The following TPM4 variants were observed in gnomAD, a reference collection of about 807,000 sequenced individuals.
The protein encoded by TPM4 is tropomyosin 4, also known as tropomyosin alpha-4 chain.
A neutral mutation model predicts 35.8 loss-of-function variants in TPM4; 17 were observed. That is an observed-to-expected ratio of 0.47 (90% CI 0.32 to 0.71). TPM4 has a LOEUF of 0.71. Among genes scored for constraint, TPM4 ranks in the 30% least tolerant of loss-of-function variants. The pLI is 0.03. For missense variants in TPM4, 240 were observed against 320.9 expected (o/e 0.75, Z 1.93); for synonymous variants, 120 against 122.9 (o/e 0.98, Z 0.15).
rs145181479 is a variant in TPM4, at chr19:16,098,618, G to A, written c.665-2646G>A. ...TGCTAAAGCATCTGAGTGACAAGAT[G>A]AAGCGAAGTCAGGATTTGTAGTCAA... On this transcript the variant is annotated intron_variant, in intron 7 of 7. Coordinates refer to ENST00000643579, the MANE Select transcript of TPM4 (RefSeq NM_003290.3). Among the ~76,000 whole-genome samples the A allele has an allele frequency of 9.5e-4, 145 of 152,104 alleles. 2 individuals carry two copies. Among genetic ancestry groups the A allele is most frequent in the African/African-American group, 3.3e-3 (139 of 41,510 alleles).
chr19:16,079,705 A>ATTT, intron 1 of TPM4: 1 of 173,108 alleles, frequency 5.8e-6, no homozygotes, highest in Non-Finnish European at 1.2e-5. Flanking sequence ...TTTCCTAATA[A>ATTT]TTTTTTTTTT....
chr19:16,087,893 A>T (rs1049995499), intron 3 of TPM4, 134 bp from the exon 4 acceptor site: 11 of 924,480 alleles, frequency 1.2e-5, no homozygotes, highest in Non-Finnish European at 1.8e-5. Context: ...TGCAAAAAAA[A>T]GAAACACCAG....
upstream of TPM4, chr19:16,076,347 G>A (rs2090404854): frequency 4.8e-6 from 7 of 1,468,326 alleles, no homozygotes; most frequent in Non-Finnish European, 6.3e-6. Context: ...GTGGCCAGCG[G>A]TGCCGACGTC....
At chr19:16,082,072 A>G in intron 2 of TPM4, 26 bp downstream of exon 2, 1 of 1,585,030 alleles carries the variant, frequency 6.3e-7, no homozygotes, top group Admixed American at 1.7e-5. Flanking sequence ...ATCTGGTGGC[A>G]TCCGTGTTTG....
chr19:16,076,041 C>T (rs756312561), upstream of TPM4: 5 of 1,587,330 alleles, frequency 3.1e-6, no homozygotes, highest in Non-Finnish European at 4.3e-6. Context: ...GCTCTGTCGT[C>T]CCCAGGTGGA....
chr19:16,089,347 G>T lies in TPM4; in HGVS notation c.531+227G>T, dbSNP rs1344410307. Among the ~76,000 whole-genome samples, 6 of 152,228 alleles carry T rather than the reference G, an allele frequency of 3.9e-5. No homozygotes were observed. The East Asian group carries it at 9.6e-4, about 24-fold the overall frequency. On this transcript the variant is annotated intron_variant, in intron 5 of 7. Coordinates refer to ENST00000643579, the MANE Select transcript of TPM4 (RefSeq NM_003290.3). ...GCACCATCTTTGATCTCCATCTCAG[G>T]AGGATAGAGATAGAACATGAGGCTC...
upstream of TPM4, among the ~76,000 whole-genome samples, chr19:16,072,359 T>C (rs2090363751): frequency 6.6e-6 from 1 of 152,156 alleles, no homozygotes; most frequent in Non-Finnish European, 1.5e-5. Context: ...TGGCGAAAGC[T>C]CTGCTCAGGG....
At chr19:16,096,936 CTTTTTTTTTTTTTTTTTTT>C (rs71178641) in intron 7 of TPM4, among the ~76,000 whole-genome samples, 34 of 69,056 alleles carry the variant, frequency 4.9e-4, no homozygotes, top group African/African-American at 7.2e-4. Flanking sequence ...CAAGGTCACT[CTTTTTTTTTTTTTTTTTTT>C]TTTTTTTTTT....
intron 3 of TPM4, among the ~76,000 whole-genome samples, chr19:16,086,892 G>A (rs1237771521): frequency 1.3e-5 from 2 of 151,998 alleles, no homozygotes; most frequent in Admixed American, 1.3e-4. Context: ...TCGATGGCTC[G>A]GCTCTTCCCT....
At chr19:16,097,077 C>T (rs2090709879) in intron 7 of TPM4, among the ~76,000 whole-genome samples, 1 of 149,116 alleles carries the variant, frequency 6.7e-6, no homozygotes, top group South Asian at 2.1e-4. Flanking sequence ...CCTCAGCCTC[C>T]CGAGTAGCTG....
At chr19:16,093,191 T>G (rs2090649884) in intron 5 of TPM4, 1 of 193,318 alleles carries the variant, frequency 5.2e-6, no homozygotes. Flanking sequence ...TTTGTTTTTG[T>G]TGTTGTTGTT....
intron 7 of TPM4, chr19:16,100,208 GCTTA>G (rs1217445597): frequency 2.0e-5 from 3 of 152,142 alleles, no homozygotes; most frequent in Non-Finnish European, 4.4e-5. Flanking sequence ...AAGGTTAGAT[GCTTA>G]CTTAAGTGAT....
At chr19:16,073,481 G>C (rs1327728904), upstream of TPM4, among the ~76,000 whole-genome samples, 1 of 152,204 alleles carries the variant, frequency 6.6e-6, no homozygotes, top group Non-Finnish European at 1.5e-5. Context: ...CTGTTCTGCA[G>C]ATGGAGAATC....
intron 5 of TPM4, among the ~76,000 whole-genome samples, chr19:16,091,982 C>T (rs1851263258): frequency 6.6e-6 from 1 of 150,932 alleles, no homozygotes; most frequent in Admixed American, 6.6e-5. Flanking sequence ...CCTGGCTGGC[C>T]ATCGTAGCGA....
chr19:16,089,015 A>G (rs1184044316), intron 4 of TPM4, 30 bp from the exon 5 acceptor site: 2 of 1,613,810 alleles, frequency 1.2e-6, no homozygotes, highest in African/African-American at 1.3e-5. Context: ...AAGGGAAGAT[A>G]AGACACAAAA....
chr19:16,071,665 G>C (rs2090357811), upstream of TPM4, among the ~76,000 whole-genome samples: 1 of 152,226 alleles, frequency 6.6e-6, no homozygotes, highest in African/African-American at 2.4e-5. Flanking sequence ...AGTCCTGCTG[G>C]GGAATAGAGG....
upstream of TPM4, among the ~76,000 whole-genome samples, chr19:16,071,685 C>T (rs764432098): frequency 5.9e-5 from 9 of 152,212 alleles, no homozygotes; most frequent in East Asian, 1.9e-4. Context: ...GCACTTAGAG[C>T]GCCTGACGCT....
intron 2 of TPM4, among the ~76,000 whole-genome samples, chr19:16,069,406 T>A: frequency 1.5e-3 from 1 of 650 alleles, no homozygotes; most frequent in Non-Finnish European, 4.9e-3. Flanking sequence ...TGTGTATGAG[T>A]GTGTGTTTCT....
At position 16,086,551 on chromosome 19, in the gene TPM4, C is replaced by T. The variant is rs777150807; in HGVS notation, c.384+11C>T. On this transcript the variant is annotated intron_variant, in intron 3 of 7. Coordinates refer to ENST00000643579, the MANE Select transcript of TPM4 (RefSeq NM_003290.3). ...CGCAAATACGAGGAGGTGAGTGGGG[C>T]TGGCAGATGGCGCAGCAGCAGGAAG... 18 of 1,605,086 alleles carry T rather than the reference C, an allele frequency of 1.1e-5. No individual in the cohort carries two copies. In the South Asian group the frequency reaches 2.0e-4, roughly 18 times the overall value.
Sources: gnomAD v4.1 joint callset for allele counts (sites outside exome capture counted in the v4.1 genomes callset) on GRCh38, gnomAD v4.1.1 for gene constraint, MANE v1.5 for transcripts, NCBI Gene and HGNC (gene_info 2026-07-23, HGNC 2026-07-21) for gene names.